Variants in UMAD1 observed in about 807,000 individuals in gnomAD.
UMAD1 encodes the protein UBAP1-MVB12-associated (UMA) domain containing 1.
In UMAD1, 8 loss-of-function variants were observed where a neutral mutation model predicts 6.1. The observed-to-expected ratio is 1.30, with a 90% CI of 0.76 to 2.35. The LOEUF is 2.35. Ranked by LOEUF, UMAD1 falls within the 30% of genes most tolerant of loss-of-function variation. The pLI, the probability that UMAD1 is intolerant of heterozygous loss-of-function variation, is 0.00. For missense variants in UMAD1, 130 were observed against 78.4 expected (o/e 1.66, Z -2.49); for synonymous variants, 56 against 31.4 (o/e 1.78, Z -2.61).
At chr7:7,827,536 G>A (rs1783372613) in intron 3 of UMAD1, among the ~76,000 whole-genome samples, 4 of 151,928 alleles carry the variant, frequency 2.6e-5, no homozygotes. Flanking sequence ...TATTTGAAGA[G>A]GAAATTTTAT....
chr7:7,813,467 G>A (rs1013722087), intron 3 of UMAD1, among the ~76,000 whole-genome samples: 6 of 152,186 alleles, frequency 3.9e-5, no homozygotes, highest in East Asian at 3.9e-4. Flanking sequence ...GCCTCCCAAA[G>A]TGCTGGGATT....
intron 1 of UMAD1, among the ~76,000 whole-genome samples, chr7:7,668,583 CTT>C (rs796304782): frequency 5.9e-5 from 9 of 152,180 alleles, no homozygotes; most frequent in African/African-American, 2.2e-4. Context: ...TAGAAACTGA[CTT>C]TAAGTGAAAC....
intron 1 of UMAD1, among the ~76,000 whole-genome samples, chr7:7,650,275 A>G (rs747876268): frequency 1.3e-5 from 2 of 151,988 alleles, no homozygotes; most frequent in Non-Finnish European, 2.9e-5. Context: ...TTACCCATAT[A>G]TTTATCATTT....
At chr7:7,762,839 G>A (rs1781917594) in intron 2 of UMAD1, among the ~76,000 whole-genome samples, 1 of 151,980 alleles carries the variant, frequency 6.6e-6, no homozygotes, top group Non-Finnish European at 1.5e-5. Flanking sequence ...GGCTTCATGA[G>A]TTGAAAGCAC....
chr7:7,695,772 A>G (rs181472180), intron 2 of UMAD1, among the ~76,000 whole-genome samples: 1 of 152,270 alleles, frequency 6.6e-6, no homozygotes, highest in East Asian at 1.9e-4. Context: ...ATTATCTGTC[A>G]ATGTGTCACC....
chr7:7,678,573 T>C (rs1779814729), intron 2 of UMAD1, among the ~76,000 whole-genome samples: 1 of 137,754 alleles, frequency 7.3e-6, no homozygotes, highest in African/African-American at 2.7e-5. Flanking sequence ...ACTTAATTTA[T>C]AGATAAATAT....
chr7:7,833,496 G>C (rs1402179172), intron 3 of UMAD1, among the ~76,000 whole-genome samples: 1 of 152,134 alleles, frequency 6.6e-6, no homozygotes, highest in Non-Finnish European at 1.5e-5. Flanking sequence ...GCTTCTGTCT[G>C]CAGACTGTAG....
At chr7:7,865,728 C>T (rs1211856704) in intron 3 of UMAD1, among the ~76,000 whole-genome samples, 1 of 152,192 alleles carries the variant, frequency 6.6e-6, no homozygotes, top group African/African-American at 2.4e-5. Context: ...TACACCACAG[C>T]CCCTCCAGAT....
intron 1 of UMAD1, among the ~76,000 whole-genome samples, chr7:7,644,091 T>C (rs1436373054): frequency 6.6e-6 from 1 of 152,206 alleles, no homozygotes; most frequent in African/African-American, 2.4e-5. Flanking sequence ...AGTTATTGTA[T>C]ATTCTTGGCA....
chr7:7,801,851 C>T, intron 3 of UMAD1, 108 bp downstream of exon 3: 2 of 649,810 alleles, frequency 3.1e-6, no homozygotes, highest in Non-Finnish European at 2.8e-6. Context: ...GCCATAGGTG[C>T]CTGAATACAG....
At chr7:7,857,575 G>T (rs532887917) in intron 3 of UMAD1, among the ~76,000 whole-genome samples, 4 of 152,326 alleles carry the variant, frequency 2.6e-5, no homozygotes, top group African/African-American at 7.2e-5. Context: ...AGGACACTCT[G>T]TTGTGACTTT....
At chr7:7,738,369 T>G (rs570857293) in intron 2 of UMAD1, among the ~76,000 whole-genome samples, 4 of 152,344 alleles carry the variant, frequency 2.6e-5, no homozygotes, top group Non-Finnish European at 5.9e-5. Flanking sequence ...ATCATCTCTA[T>G]TTGAGTTGGA....
At chr7:7,785,506 T>A (rs976616817) in intron 2 of UMAD1, among the ~76,000 whole-genome samples, 6 of 152,178 alleles carry the variant, frequency 3.9e-5, no homozygotes, top group Admixed American at 6.5e-5. Flanking sequence ...TTGACCTTTA[T>A]CCTAAGCACA....
intron 1 of UMAD1, among the ~76,000 whole-genome samples, chr7:7,649,250 A>G (rs1221760394): frequency 1.3e-5 from 2 of 152,124 alleles, no homozygotes; most frequent in Non-Finnish European, 1.5e-5. Context: ...TCCAAGGTCC[A>G]GGGACCCACA....
chr7:7,692,683 C>T lies in UMAD1; in HGVS notation c.82+19230C>T, dbSNP rs182349137. ...GGAGTGCAGTAGCGTGATCTCAGCT[C>T]ACTGCAACCTCCACCTCCTGGGTTC... On this transcript the variant is annotated intron_variant, in intron 2 of 3. Coordinates refer to ENST00000682710, the MANE Select transcript of UMAD1 (RefSeq NM_001302348.2). Among the ~76,000 whole-genome samples the T allele has an allele frequency of 2.6e-4, 40 of 152,248 alleles. 1 individual carries two copies. Among genetic ancestry groups the T allele is most frequent in the Admixed American group, 1.9e-3 (29 of 15,292 alleles).
intron 1 of UMAD1, among the ~76,000 whole-genome samples, chr7:7,662,294 C>T (rs1364006788): frequency 6.6e-6 from 1 of 152,180 alleles, no homozygotes; most frequent in Non-Finnish European, 1.5e-5. Flanking sequence ...TCCCTGGCTT[C>T]AGCCCCCTTT....
intron 2 of UMAD1, among the ~76,000 whole-genome samples, chr7:7,782,068 A>C (rs1563201360): frequency 6.6e-6 from 1 of 152,204 alleles, no homozygotes; most frequent in South Asian, 2.1e-4. Context: ...TAGTTACGAA[A>C]ACCACATTAT....
intron 3 of UMAD1, among the ~76,000 whole-genome samples, chr7:7,852,384 G>A (rs964110958): frequency 6.6e-6 from 1 of 152,026 alleles, no homozygotes; most frequent in African/African-American, 2.4e-5. Context: ...CATCTTTTTC[G>A]AGATAGTGTC....
rs747791675 is a variant in UMAD1 at position 7,708,609 on chromosome 7, G to T, written c.82+35156G>T. On this transcript the variant is annotated intron_variant, in intron 2 of 3. Coordinates refer to ENST00000682710, the MANE Select transcript of UMAD1 (RefSeq NM_001302348.2). ...ATAAGTCAACATATTTGTCCTTTTG[G>T]GACAGACCTCAAAAATAGAAGCAAA... Among the ~76,000 whole-genome samples, 5 of 152,118 alleles carry T rather than the reference G, an allele frequency of 3.3e-5. No individual in the cohort carries two copies. In the South Asian group the frequency reaches 1.0e-3, roughly 32 times the overall value.
Sources: allele counts gnomAD v4.1 joint callset (sites outside exome capture counted in the v4.1 genomes callset), GRCh38; gene constraint gnomAD v4.1.1; transcripts MANE v1.5; gene names NCBI Gene and HGNC (gene_info 2026-07-23, HGNC 2026-07-21).